Variants in P3H2 observed in about 807,000 individuals in gnomAD.
P3H2 encodes the protein prolyl 3-hydroxylase 2, also known as leprecan-like 1.
P3H2 carries 80 observed loss-of-function variants against 87.0 expected under a neutral mutation model. The ratio of observed to expected loss-of-function variants is 0.92; its 90% confidence interval spans 0.77 to 1.11. P3H2 has a LOEUF of 1.11. Among genes scored for constraint, P3H2 ranks in the 50% least tolerant of loss-of-function variants. The probability of loss-of-function intolerance (pLI) is 0.00; values close to 1 mark genes in which losing one functional copy is unlikely to be tolerated. For synonymous variants in P3H2, 367 were observed against 359.3 expected (o/e 1.02, Z -0.24); for missense variants, 1,001 against 923.9 (o/e 1.08, Z -1.08).
chr3:190,106,494 A>T (rs1387846668), intron 1 of P3H2, among the ~76,000 whole-genome samples: 2 of 151,720 alleles, frequency 1.3e-5, no homozygotes, highest in African/African-American at 4.8e-5. Flanking sequence ...TGCCCTTTAT[A>T]TTCCCTTAGA....
chr3:190,023,936 T>A (rs1321061739), intron 1 of P3H2, among the ~76,000 whole-genome samples: 1 of 152,210 alleles, frequency 6.6e-6, no homozygotes, highest in East Asian at 1.9e-4. Context: ...TTTTTATGCA[T>A]CCACTACACA....
intron 9 of P3H2, 58 bp from the exon 10 acceptor site, chr3:189,974,062 T>C: frequency 1.4e-6 from 2 of 1,425,550 alleles, no homozygotes; most frequent in East Asian, 4.5e-5. Flanking sequence ...CATCAGGTCT[T>C]TTTCTGCTTT....
chr3:190,056,800 AC>A (rs1560382054), intron 1 of P3H2, among the ~76,000 whole-genome samples: 1 of 152,214 alleles, frequency 6.6e-6, no homozygotes, highest in Non-Finnish European at 1.5e-5. Context: ...TTAGAAAAGC[AC>A]ACGCAGCTGC....
intron 13 of P3H2, among the ~76,000 whole-genome samples, chr3:189,966,113 G>GAAAGAAAGAA (rs1328827393): frequency 2.3e-5 from 2 of 86,974 alleles, no homozygotes; most frequent in Non-Finnish European, 4.6e-5. Flanking sequence ...AAAAAAGAAA[G>GAAAGAAAGAA]AAAGAAAGAA....
chr3:190,086,748 T>A (rs763932285), intron 1 of P3H2, among the ~76,000 whole-genome samples: 9 of 152,158 alleles, frequency 5.9e-5, no homozygotes, highest in Non-Finnish European at 1.0e-4. Flanking sequence ...GAAAGAACCA[T>A]ACTCTCTGCT....
At position 189,985,369 on chromosome 3, in the gene P3H2, T is replaced by C. The variant is rs116360280; in HGVS notation, c.1189-779A>G. ...TTAAAATGATGTATTATTTCATACA[T>C]AATATATAAATAATAAAAGTGATTT... On this transcript the variant is annotated intron_variant, in intron 6 of 14. Transcript: ENST00000319332. Among the ~76,000 whole-genome samples, 1,145 of 151,576 alleles carry C rather than the reference T, an allele frequency of 7.6e-3. 9 individuals carry two copies. Among genetic ancestry groups the C allele is most frequent in the South Asian group, 0.021 (99 of 4,824 alleles).
At chr3:190,086,454 A>C (rs561108850) in intron 1 of P3H2, among the ~76,000 whole-genome samples, 1 of 152,304 alleles carries the variant, frequency 6.6e-6, no homozygotes, top group East Asian at 1.9e-4. Context: ...CCCAACCTGC[A>C]GCAGTTCTGC....
chr3:190,050,737 T>C (rs559451370), intron 1 of P3H2, among the ~76,000 whole-genome samples: 1 of 152,302 alleles, frequency 6.6e-6, no homozygotes, highest in South Asian at 2.1e-4. Flanking sequence ...ATAAAATTGG[T>C]CATCTTTTCT....
intron 1 of P3H2, among the ~76,000 whole-genome samples, chr3:190,063,859 C>T (rs1726411206): frequency 6.6e-6 from 1 of 151,900 alleles, no homozygotes; most frequent in Non-Finnish European, 1.5e-5. Context: ...TTACTTTCTG[C>T]GAGAAATGAA....
chr3:190,071,386 C>T (rs1017781131), intron 1 of P3H2, among the ~76,000 whole-genome samples: 8 of 152,162 alleles, frequency 5.3e-5, no homozygotes, highest in Non-Finnish European at 1.0e-4. Flanking sequence ...CCTGGCAAAT[C>T]AGTTAAATCC....
chr3:189,983,005 C>T, intron 8 of P3H2, 41 bp downstream of exon 8: 1 of 1,459,928 alleles, frequency 6.8e-7, no homozygotes. Context: ...CCCATCTTCC[C>T]CTTCCCCTCC....
intron 1 of P3H2, among the ~76,000 whole-genome samples, chr3:190,104,537 A>G (rs2030572): frequency 0.096 from 14,552 of 152,266 alleles, 1,147 homozygotes; most frequent in African/African-American, 0.21. Context: ...AATGAACTAC[A>G]GTGTAGAACA....
intron 10 of P3H2, 90 bp from the exon 11 acceptor site, chr3:189,973,114 G>A: frequency 8.4e-7 from 1 of 1,187,546 alleles, no homozygotes; most frequent in Non-Finnish European, 1.2e-6. Flanking sequence ...GCCAATATAG[G>A]ATTGTCATGT....
chr3:190,007,128 G>C (rs2108931700), intron 1 of P3H2, among the ~76,000 whole-genome samples: 1 of 152,286 alleles, frequency 6.6e-6, no homozygotes, highest in South Asian at 2.1e-4. Flanking sequence ...TGTAAGACTG[G>C]AGGCCTATGA....
chr3:190,094,238 C>T (rs1727501150), intron 1 of P3H2, among the ~76,000 whole-genome samples: 1 of 152,224 alleles, frequency 6.6e-6, no homozygotes, highest in Non-Finnish European at 1.5e-5. Context: ...AAATCTTGGA[C>T]CAAGTCCTCA....
chr3:190,007,965 C>CACACACACACACATATATAT, intron 1 of P3H2, among the ~76,000 whole-genome samples: 3 of 94,358 alleles, frequency 3.2e-5, no homozygotes, highest in African/African-American at 1.2e-4. Context: ...TGTTGACACA[C>CACACACACACACATATATAT]ATATATATAT....
At chr3:189,981,492 A>AT (rs1004993001) in intron 8 of P3H2, among the ~76,000 whole-genome samples, 2 of 152,114 alleles carry the variant, frequency 1.3e-5, no homozygotes, top group Non-Finnish European at 2.9e-5. Flanking sequence ...GGTAAAAAAA[A>AT]ATTTTTTTTT....
rs57688779 is a variant in P3H2 at position 190,100,250 on chromosome 3, GCC to G, written c.480+20000_480+20001del. Among the ~76,000 whole-genome samples, 602 of 70,278 alleles carry G rather than the reference GCC, an allele frequency of 8.6e-3. 6 individuals carry two copies. The highest frequency in any genetic ancestry group is 0.023 in the Middle Eastern group (3 of 128). 46.1% of individuals were successfully genotyped at this position (70,278 alleles called of 152,430 possible). A position where few individuals can be genotyped will look rare whatever the true frequency, so the allele number is the denominator to read the frequency against. On this transcript the variant is annotated intron_variant, in intron 1 of 14. Transcript: ENST00000319332. ...AACTCCGTCCCCCGCCCCCCCCGCC[GCC>G]CCCCCCCCCAAAAAAAACACTTCTA...
At chr3:190,101,110 G>T (rs1304455651) in intron 1 of P3H2, among the ~76,000 whole-genome samples, 1 of 151,944 alleles carries the variant, frequency 6.6e-6, no homozygotes, top group Non-Finnish European at 1.5e-5. Context: ...TGTTGTGTGT[G>T]TTCTGATGGC....
Sources: allele counts gnomAD v4.1 joint callset (sites outside exome capture counted in the v4.1 genomes callset), GRCh38; gene constraint gnomAD v4.1.1; transcripts MANE v1.5; gene names NCBI Gene and HGNC (gene_info 2026-07-23, HGNC 2026-07-21).